Variants in LARP1B observed in about 807,000 individuals in gnomAD.
LARP1B encodes the protein La ribonucleoprotein 1B.
LARP1B carries 76 observed loss-of-function variants against 114.2 expected under a neutral mutation model. The observed-to-expected ratio is 0.67, with a 90% CI of 0.55 to 0.81. LARP1B has a LOEUF of 0.81. Among genes scored for constraint, LARP1B ranks in the 30% least tolerant of loss-of-function variants. The pLI, the probability that LARP1B is intolerant of heterozygous loss-of-function variation, is 0.00. For missense variants in LARP1B, 1,014 were observed against 1,075.8 expected (o/e 0.94, Z 0.80); for synonymous variants, 345 against 348.0 (o/e 0.99, Z 0.10).
chr4:128,129,570 C>T (rs1285127118), intron 11 of LARP1B, among the ~76,000 whole-genome samples: 2 of 151,872 alleles, frequency 1.3e-5, no homozygotes, highest in Non-Finnish European at 2.9e-5. Flanking sequence ...CCTAAAAAAC[C>T]CAGAATAGCT....
chr4:128,077,853 TGAAAA>T lies in LARP1B; in HGVS notation c.111_115del (p.Arg39Ter). 1 of 1,612,198 alleles carries T rather than the reference TGAAAA, an allele frequency of 6.2e-7. No homozygotes were observed. Among genetic ancestry groups the T allele is most frequent in the Non-Finnish European group, 8.5e-7 (1 of 1,179,102 alleles). On this transcript the variant is annotated frameshift_variant, in exon 4 of 20. Coordinates refer to ENST00000326639, the MANE Select transcript of LARP1B (RefSeq NM_018078.4). LOFTEE classifies it high-confidence loss of function. ...ATAGAAAAGAAAAAGAAGAGAAGGTTGAAAAGAGAAGTAACAGTGACAGCAAAGAA... is the reference window on the plus strand; with the variant it reads ...ATAGAAAAGAAAAAGAAGAGAAGGTTGAGAAGTAACAGTGACAGCAAAGAA...
At chr4:128,115,039 G>C (rs1349478516) in intron 10 of LARP1B, among the ~76,000 whole-genome samples, 2 of 151,958 alleles carry the variant, frequency 1.3e-5, no homozygotes, top group African/African-American at 4.8e-5. Flanking sequence ...CCAGGTTCAA[G>C]CGATTCTCCT....
intron 5 of LARP1B, among the ~76,000 whole-genome samples, chr4:128,086,224 C>G (rs1020489378): frequency 1.3e-5 from 2 of 152,010 alleles, no homozygotes; most frequent in Non-Finnish European, 1.5e-5. Flanking sequence ...CCAGGATGGT[C>G]TTGATCTCCT....
chr4:128,181,209 A>T (rs1748254216), intron 15 of LARP1B, among the ~76,000 whole-genome samples: 1 of 139,956 alleles, frequency 7.1e-6, no homozygotes, highest in Non-Finnish European at 1.5e-5. Flanking sequence ...TTTGAGACTG[A>T]GTCTCACTCT....
At chr4:128,192,334 A>G (rs1436392717) in intron 15 of LARP1B, among the ~76,000 whole-genome samples, 2 of 152,220 alleles carry the variant, frequency 1.3e-5, no homozygotes, top group African/African-American at 2.4e-5. Flanking sequence ...TCTCTGAGAT[A>G]TGCCCATATA....
At chr4:128,199,327 C>A in intron 15 of LARP1B, 112 bp from the exon 16 acceptor site, 1 of 705,646 alleles carries the variant, frequency 1.4e-6, no homozygotes, top group Non-Finnish European at 2.1e-6. Flanking sequence ...TTAGGGACTA[C>A]TGTCTTTTCC....
chr4:128,207,514 T>C (rs1757925886), intron 19 of LARP1B, 131 bp downstream of exon 19: 4 of 544,242 alleles, frequency 7.3e-6, no homozygotes, highest in Non-Finnish European at 1.1e-5. Context: ...AACTTTGAAA[T>C]AGATATAAAA....
At chr4:128,064,133 A>G (rs1183098883) in intron 1 of LARP1B, among the ~76,000 whole-genome samples, 6 of 151,376 alleles carry the variant, frequency 4.0e-5, no homozygotes, top group Admixed American at 2.0e-4. Context: ...TTAGCCGGAT[A>G]TGGTGGTGCG....
chr4:128,105,880 G>A (rs1396516472), intron 8 of LARP1B, among the ~76,000 whole-genome samples: 1 of 152,020 alleles, frequency 6.6e-6, no homozygotes, highest in African/African-American at 2.4e-5. Context: ...GACAGAGTGA[G>A]ACTCCGTCTC....
intron 10 of LARP1B, among the ~76,000 whole-genome samples, chr4:128,115,740 T>C (rs554463950): frequency 2.6e-5 from 4 of 152,318 alleles, no homozygotes; most frequent in African/African-American, 9.6e-5. Context: ...ACTGCAGCCT[T>C]TGCCTGCTGG....
chr4:128,117,730 G>A (rs1786369050), intron 10 of LARP1B, among the ~76,000 whole-genome samples: 1 of 151,752 alleles, frequency 6.6e-6, no homozygotes, highest in Admixed American at 6.6e-5. Flanking sequence ...ATGTTGGCCA[G>A]GCTGTTCTCG....
chr4:128,065,291 TTC>T (rs1762125014), intron 1 of LARP1B, among the ~76,000 whole-genome samples: 1 of 136,574 alleles, frequency 7.3e-6, no homozygotes, highest in South Asian at 2.4e-4. Flanking sequence ...CTTTCTTTCT[TTC>T]TTTCTTTCTT....
intron 4 of LARP1B, among the ~76,000 whole-genome samples, chr4:128,079,346 C>T (rs1431348281): frequency 2.0e-5 from 3 of 151,934 alleles, no homozygotes; most frequent in Non-Finnish European, 2.9e-5. Context: ...CCACCTGCCT[C>T]GGCCTCCCAA....
intron 5 of LARP1B, among the ~76,000 whole-genome samples, chr4:128,083,389 G>T (rs1341848994): frequency 3.3e-5 from 5 of 151,806 alleles, no homozygotes; most frequent in African/African-American, 1.2e-4. Context: ...CCCAGTAGGG[G>T]CGGCTGGGCA....
chr4:128,187,440 T>TG (rs1750740370), intron 15 of LARP1B, among the ~76,000 whole-genome samples: 1 of 152,270 alleles, frequency 6.6e-6, no homozygotes, highest in Non-Finnish European at 1.5e-5. Flanking sequence ...GCTTTGGACT[T>TG]GCATGCAGCC....
At position 128,082,083 on chromosome 4, in the gene LARP1B, A is replaced by G. The variant is rs1293557530; in HGVS notation, c.218-82A>G. On this transcript the variant is annotated intron_variant, in intron 4 of 19. Transcript: ENST00000326639. Reference sequence around the variant, plus strand: ...ACACATTAAGTGTTTCACTTATTTGATTAAAGTTCAGAGTGCTTTCAAATT... The same window carrying G: ...ACACATTAAGTGTTTCACTTATTTGGTTAAAGTTCAGAGTGCTTTCAAATT... The G allele has an allele frequency of 2.4e-6, 3 of 1,266,632 alleles. No homozygotes were observed. The East Asian group carries it at 7.0e-5, about 30-fold the overall frequency. The allele number at this position is 1,266,632 out of a possible 1,614,324, so 78.5% of individuals were successfully genotyped here. A position where few individuals can be genotyped will look rare whatever the true frequency, so the allele number is the denominator to read the frequency against.
rs181659676 is a variant in LARP1B at position 128,143,432 on chromosome 4, G to A, written c.1525-18762G>A. On this transcript the variant is annotated intron_variant, in intron 11 of 19. Transcript: ENST00000326639. ...ATTAACATATATTTGAGTGTCTGCT[G>A]TGTACCAAACAATGTTGGAAGCTGG... Among the ~76,000 whole-genome samples the A allele has an allele frequency of 3.0e-3, 461 of 152,276 alleles. 4 individuals carry two copies. Among genetic ancestry groups the A allele is most frequent in the African/African-American group, 0.011 (442 of 41,552 alleles).
chr4:128,206,789 C>T (rs138492812), intron 18 of LARP1B: 14,089 of 985,222 alleles, frequency 0.014, 138 homozygotes, highest in South Asian at 0.016. Context: ...CTTTGACAAA[C>T]GTGGCTACTC....
In LARP1B at chr4:128,100,992, A is replaced by AT. The variant is rs113824062; in HGVS notation, c.813+2668dup. ...GCCACCATGCCTGGCTAATTTTTGT[A>AT]TTTTTTAGTAGAGACAGGGTTTCAC... On this transcript the variant is annotated intron_variant, in intron 8 of 19. Transcript: ENST00000326639. Among the ~76,000 whole-genome samples the AT allele has an allele frequency of 8.4e-4, 126 of 149,276 alleles. 1 individual carries two copies. Among genetic ancestry groups the AT allele is most frequent in the Middle Eastern group, 3.4e-3 (1 of 292 alleles).
Sources: allele counts gnomAD v4.1 joint callset (sites outside exome capture counted in the v4.1 genomes callset), GRCh38; gene constraint gnomAD v4.1.1; transcripts MANE v1.5; gene names NCBI Gene and HGNC (gene_info 2026-07-23, HGNC 2026-07-21).